Variants in SLC6A9 observed in about 807,000 individuals in gnomAD.
The protein encoded by SLC6A9 is solute carrier family 6 member 9, also known as sodium- and chloride-dependent glycine transporter 1.
A neutral mutation model predicts 70.9 loss-of-function variants in SLC6A9; 31 were observed. That is an observed-to-expected ratio of 0.44 (90% confidence interval 0.33 to 0.59). SLC6A9 has a LOEUF of 0.59. Among genes scored for constraint, SLC6A9 ranks in the 20% least tolerant of loss-of-function variants. SLC6A9 has a pLI of 0.04. For synonymous variants in SLC6A9, 310 were observed against 341.3 expected, an observed-to-expected ratio of 0.91 and a Z score of 1.01; for missense variants, 631 against 845.2, an observed-to-expected ratio of 0.75 and a Z score of 3.14.
chr1:44,010,577 G>A (rs1476106201), intron 3 of SLC6A9, 149 bp downstream of exon 3: 4 of 712,598 alleles, frequency 5.6e-6, no homozygotes, highest in Non-Finnish European at 9.2e-6. Context: ...TAGGCAAAGG[G>A]TGCCTAAGCC....
intron 2 of SLC6A9, chr1:44,017,288 C>T (rs2086783514): frequency 1.4e-6 from 2 of 1,464,040 alleles, no homozygotes; most frequent in South Asian, 1.4e-5. Flanking sequence ...CCATGCAGCC[C>T]AGCACGGGTG....
At chr1:44,019,849 G>A (rs1252449429) in intron 2 of SLC6A9, among the ~76,000 whole-genome samples, 1 of 152,178 alleles carries the variant, frequency 6.6e-6, no homozygotes, top group Admixed American at 6.5e-5. Flanking sequence ...TGGAGGGAAG[G>A]TCCCGCTGAG....
intron 5 of SLC6A9, among the ~76,000 whole-genome samples, chr1:44,008,029 C>A (rs1286346663): frequency 1.3e-5 from 2 of 151,844 alleles, no homozygotes; most frequent in Non-Finnish European, 2.9e-5. Flanking sequence ...CCGGCTAATT[C>A]TTTTCTCTTT....
intron 8 of SLC6A9, 69 bp from the exon 9 acceptor site, chr1:44,001,696 C>A (rs1015571961): frequency 2.4e-6 from 3 of 1,249,182 alleles, no homozygotes; most frequent in African/African-American, 1.5e-5. Flanking sequence ...CATGGAGACA[C>A]GGAAAGTTCT....
chr1:44,007,977 G>A (rs563382316), intron 5 of SLC6A9, among the ~76,000 whole-genome samples: 2 of 149,278 alleles, frequency 1.3e-5, no homozygotes, highest in South Asian at 4.2e-4. Flanking sequence ...TGCAAGCTCT[G>A]CCTCCCGGGT....
chr1:44,000,665 G>A (rs994307007), intron 12 of SLC6A9, 102 bp downstream of exon 12: 7 of 758,998 alleles, frequency 9.2e-6, no homozygotes, highest in Non-Finnish European at 1.6e-5. Flanking sequence ...ATGGAGCTCC[G>A]GCCAGGTGCG....
At position 44,025,239 on chromosome 1, in the gene SLC6A9, T is replaced by C. The variant is rs533706746; in HGVS notation, c.-85-877A>G. Reference sequence around the variant, plus strand: ...AGGGAAATAGCGAAGTCGGGACCTCTGAAATGAGGGGTCCAGGCCAGCCCA... The same window carrying C: ...AGGGAAATAGCGAAGTCGGGACCTCCGAAATGAGGGGTCCAGGCCAGCCCA... On this transcript the variant is annotated intron_variant, in intron 1 of 13. Coordinates refer to ENST00000372310, the MANE Select transcript of SLC6A9 (RefSeq NM_001024845.3). Among the ~76,000 whole-genome samples, 7 of 151,022 alleles carry C rather than the reference T, an allele frequency of 4.6e-5. No homozygotes were observed. The East Asian group carries it at 1.4e-3, about 30-fold the overall frequency.
chr1:44,019,672 C>T (rs1297560377), intron 2 of SLC6A9, among the ~76,000 whole-genome samples: 2 of 152,266 alleles, frequency 1.3e-5, no homozygotes, highest in African/African-American at 4.8e-5. Context: ...CGGCAGCAGC[C>T]CAGCTGGGCC....
Position 44,018,616 on chromosome 1 carries a change from A to AATAATAATG in SLC6A9, c.30+5631_30+5632insCATTATTAT, listed in dbSNP as rs1367450387. On this transcript the variant is annotated intron_variant, in intron 2 of 13. Transcript: ENST00000372310. The surrounding 1 kb of genome is among the most constrained non-coding windows in gnomAD (Gnocchi z 4.2). Reference sequence around the variant, plus strand: ...TCTCTAAAATAATAATAATAATAATAATAATAATAATAATAATAATAAATA... The same window carrying AATAATAATG: ...TCTCTAAAATAATAATAATAATAATAATAATAATGATAATAATAATAATAATAATAAATA... Among the ~76,000 whole-genome samples, 110 of 147,572 alleles carry AATAATAATG rather than the reference A, an allele frequency of 7.5e-4. No individual in the cohort carries two copies. The highest frequency in any genetic ancestry group is 2.7e-3 in the African/African-American group (109 of 40,194).
Position 43,997,410 on chromosome 1 carries a change from G to C in SLC6A9, c.*135C>G. On this transcript the variant is annotated 3_prime_UTR_variant, in exon 14 of 14. Transcript: ENST00000372310. The surrounding 1 kb of genome is among the most constrained non-coding windows in gnomAD (Gnocchi z 4.4). ...ATGAGCATGAATGACTGCACTAGCA[G>C]TGGTGACCAAGGTGACAGCAGCCGT... is the stretch of plus-strand genomic sequence containing the variant. The C allele has an allele frequency of 1.3e-6, 1 of 743,236 alleles. No individual in the cohort carries two copies. Among genetic ancestry groups the C allele is most frequent in the Non-Finnish European group, 2.3e-6 (1 of 428,928 alleles). 46.0% of individuals were successfully genotyped at this position (743,236 alleles called of 1,614,324 possible).
chr1:44,031,340 C>G lies in SLC6A9; in HGVS notation c.-120G>C, dbSNP rs201715134. 2 of 152,130 alleles carry G rather than the reference C, an allele frequency of 1.3e-5. No homozygotes were observed. The highest frequency in any genetic ancestry group is 6.5e-5 in the Admixed American group (1 of 15,286). The allele number at this position is 152,130 out of a possible 1,614,324, so 9.4% of individuals were successfully genotyped here. On this transcript the variant is annotated 5_prime_UTR_variant, in exon 1 of 14. Transcript: ENST00000372310. ...GCCCCCGGCCCAGGCGTGCTGGGTC[C>G]GCACCGCGGTGCGCCCAGGTGGCTT... is the stretch of plus-strand genomic sequence containing the variant.
rs1305836279 is a variant in SLC6A9, at chr1:43,996,642, A to AG, written c.*902dup. On this transcript the variant is annotated 3_prime_UTR_variant, in exon 14 of 14. Coordinates refer to ENST00000372310, the MANE Select transcript of SLC6A9 (RefSeq NM_001024845.3). ...CAGAGGACGGACAAATGAACACTTC[A>AG]GGGATTCAGACACTTCAGAAGGGGC... 1.3e-5 allele frequency: 2 copies of AG among 159,130 alleles called. No homozygotes were observed. Among genetic ancestry groups the AG allele is most frequent in the African/African-American group, 4.8e-5 (2 of 41,690 alleles). The allele number at this position is 159,130 out of a possible 1,614,324, so 9.9% of individuals were successfully genotyped here.
chr1:43,997,486 A>G lies in SLC6A9; in HGVS notation c.*59T>C. The stretch of plus-strand genomic sequence containing the variant: ...GGCAGAGACACCTGGCCTCTGCCTC[A>G]CCAGTCTCTGCGGTGGGAGCACGGG... On this transcript the variant is annotated 3_prime_UTR_variant, in exon 14 of 14. Coordinates refer to ENST00000372310, the MANE Select transcript of SLC6A9 (RefSeq NM_001024845.3). This position sits in a 1 kb window ranked among gnomAD's most constrained non-coding sequence, Gnocchi z 4.4. 1 of 1,500,994 alleles carries G rather than the reference A, an allele frequency of 6.7e-7. No individual in the cohort carries two copies. Among genetic ancestry groups the G allele is most frequent in the Non-Finnish European group, 9.2e-7 (1 of 1,087,418 alleles). 93.0% of individuals were successfully genotyped at this position (1,500,994 alleles called of 1,614,324 possible). A position where few individuals can be genotyped will look rare whatever the true frequency, so the allele number is the denominator to read the frequency against.
intron 2 of SLC6A9, among the ~76,000 whole-genome samples, chr1:44,023,132 CAG>C (rs2086917464): frequency 6.6e-6 from 1 of 152,114 alleles, no homozygotes; most frequent in Non-Finnish European, 1.5e-5. Context: ...AAAAGCAACA[CAG>C]GGGATTGAAA....
chr1:43,998,592 C>G (rs1366115260), intron 12 of SLC6A9, among the ~76,000 whole-genome samples: 2 of 152,222 alleles, frequency 1.3e-5, no homozygotes, highest in Non-Finnish European at 2.9e-5. Flanking sequence ...CGTTTTCCAC[C>G]TGCTTCCCTT....
chr1:44,010,803 A>G lies in SLC6A9; in HGVS notation c.110T>C (p.Val37Ala), dbSNP rs2086538207. ...RGNWGNQIEF[V>A]LTSVGYAVGL... ...CACGGCATAGCCCACGCTCGTCAGT[A>G]CAAACTCGATCTGGTTGCCCCAGTT... The change falls in exon 3 of 14, where the codon GTA becomes GCA. Residue 37 changes from valine to alanine, a missense_variant. Transcript: ENST00000372310. 4 of 1,614,206 alleles carry G rather than the reference A, an allele frequency of 2.5e-6. No individual in the cohort carries two copies. Among genetic ancestry groups the G allele is most frequent in the African/African-American group, 2.7e-5 (2 of 75,068 alleles).
At chr1:44,027,468 T>C (rs1336593284) in intron 1 of SLC6A9, among the ~76,000 whole-genome samples, 2 of 152,162 alleles carry the variant, frequency 1.3e-5, no homozygotes, top group Non-Finnish European at 2.9e-5. Flanking sequence ...TCCCTGATTC[T>C]CTCCAACAGT....
At chr1:44,000,354 G>T (rs891704728) in intron 12 of SLC6A9, among the ~76,000 whole-genome samples, 4 of 152,236 alleles carry the variant, frequency 2.6e-5, no homozygotes, top group African/African-American at 9.6e-5. Flanking sequence ...CCACAGTCTG[G>T]TCTACCAGCC....
intron 2 of SLC6A9, among the ~76,000 whole-genome samples, chr1:44,021,293 C>A (rs558522570): frequency 1.3e-5 from 2 of 152,290 alleles, no homozygotes; most frequent in South Asian, 4.1e-4. Flanking sequence ...GGTTCTCGCA[C>A]AGCCCTGTCC....
Sources: gnomAD v4.1 joint callset for allele counts (sites outside exome capture counted in the v4.1 genomes callset) on GRCh38, gnomAD v4.1.1 for gene constraint, Gnocchi (gnomAD v3.1) non-coding constraint, MANE v1.5 for transcripts, NCBI Gene and HGNC (gene_info 2026-07-23, HGNC 2026-07-21) for gene names.